USP15: variants seen among roughly 807,000 people sequenced by gnomAD.
The protein encoded by USP15 is ubiquitin specific peptidase 15.
In USP15, 18 loss-of-function variants were observed where a neutral mutation model predicts 127.1. The ratio of observed to expected loss-of-function variants is 0.14; its 90% CI spans 0.10 to 0.21. USP15 has a LOEUF of 0.21. Ranked by LOEUF, USP15 falls within the 10% of genes least tolerant of loss-of-function variation. The pLI, the probability that USP15 is intolerant of heterozygous loss-of-function variation, is 1.00. For missense variants in USP15, 805 were observed against 1,159.9 expected (o/e 0.69, Z 4.44); for synonymous variants, 364 against 393.7 (o/e 0.92, Z 0.89).
intron 8 of USP15, among the ~76,000 whole-genome samples, chr12:62,368,605 G>A (rs1272174599): frequency 6.6e-6 from 1 of 152,112 alleles, no homozygotes; most frequent in Non-Finnish European, 1.5e-5. Flanking sequence ...TTTAAAGTAT[G>A]TTTTATCAAA....
chr12:62,272,978 G>A (rs1435200312), intron 1 of USP15, among the ~76,000 whole-genome samples: 1 of 151,970 alleles, frequency 6.6e-6, no homozygotes, highest in Admixed American at 6.6e-5. Flanking sequence ...ATCTTTCAGT[G>A]GTTTTCAGAT....
chr12:62,271,474 A>T (rs1200934691), intron 1 of USP15, among the ~76,000 whole-genome samples: 3 of 152,018 alleles, frequency 2.0e-5, no homozygotes, highest in Non-Finnish European at 4.4e-5. Flanking sequence ...GTATGCCTTT[A>T]TATGATACAA....
At chr12:62,385,203 A>C (rs957358308) in intron 11 of USP15, among the ~76,000 whole-genome samples, 1 of 151,914 alleles carries the variant, frequency 6.6e-6, no homozygotes, top group Admixed American at 6.6e-5. Context: ...TTTATTCATC[A>C]AGATACTTAA....
In USP15 at chr12:62,384,004, T is replaced by C. The variant is rs1565903421; in HGVS notation, c.1248+6T>C. ...CAGATGGAAGGCCAGATAAGGTAAA[T>C]TTCATGATCCTATTGTCACCATTGT... On this transcript the variant is annotated splice_donor_region_variant and intron_variant, in intron 10 of 21. Transcript: ENST00000280377. 1.2e-6 allele frequency: 2 copies of C among 1,611,808 alleles called. No individual in the cohort carries two copies. Among genetic ancestry groups the C allele is most frequent in the Non-Finnish European group, 8.5e-7 (1 of 1,178,858 alleles).
chr12:62,272,965 A>C (rs1268303733), intron 1 of USP15, among the ~76,000 whole-genome samples: 2 of 152,072 alleles, frequency 1.3e-5, no homozygotes, highest in Non-Finnish European at 2.9e-5. Context: ...TTTACAGTTA[A>C]AAATCTTTCA....
chr12:62,318,070 C>G (rs1014666267), intron 4 of USP15, among the ~76,000 whole-genome samples: 1 of 152,156 alleles, frequency 6.6e-6, no homozygotes, highest in Non-Finnish European at 1.5e-5. Context: ...CTGGCTAGTA[C>G]AGTTGAATTA....
At chr12:62,268,656 A>C (rs1176992514) in intron 1 of USP15, among the ~76,000 whole-genome samples, 2 of 152,140 alleles carry the variant, frequency 1.3e-5, no homozygotes, top group Non-Finnish European at 2.9e-5. Flanking sequence ...AACCTAGTTC[A>C]AAGTCAGTCT....
intron 1 of USP15, among the ~76,000 whole-genome samples, chr12:62,270,620 A>G (rs894412647): frequency 6.6e-6 from 1 of 152,090 alleles, no homozygotes; most frequent in Non-Finnish European, 1.5e-5. Flanking sequence ...CAAAAAGATC[A>G]TTCTTTTCCC....
intron 8 of USP15, among the ~76,000 whole-genome samples, chr12:62,359,653 A>G (rs2066251957): frequency 6.6e-6 from 1 of 152,166 alleles, no homozygotes; most frequent in South Asian, 2.1e-4. Context: ...CTAAGAAGAA[A>G]TAATTGAGTG....
intron 11 of USP15, among the ~76,000 whole-genome samples, chr12:62,387,526 A>G (rs1209509127): frequency 1.3e-5 from 2 of 152,194 alleles, no homozygotes; most frequent in East Asian, 3.9e-4. Context: ...TAGTCGTGTT[A>G]TAAGGAAAGG....
At chr12:62,287,691 A>G (rs2063824784) in intron 1 of USP15, among the ~76,000 whole-genome samples, 1 of 152,064 alleles carries the variant, frequency 6.6e-6, no homozygotes, top group Non-Finnish European at 1.5e-5. Flanking sequence ...GGACTTTTAT[A>G]AAAGTTTCAA....
At chr12:62,271,821 G>C (rs549361039) in intron 1 of USP15, among the ~76,000 whole-genome samples, 1 of 151,890 alleles carries the variant, frequency 6.6e-6, no homozygotes, top group South Asian at 2.1e-4. Flanking sequence ...GCCTCCTTGA[G>C]TTTCTTATTT....
At chr12:62,379,178 G>A (rs2066915093) in intron 8 of USP15, among the ~76,000 whole-genome samples, 1 of 147,188 alleles carries the variant, frequency 6.8e-6, no homozygotes, top group African/African-American at 2.5e-5. Context: ...GAATCTTGAT[G>A]GATTTATAGA....
intron 19 of USP15, 85 bp downstream of exon 19, chr12:62,393,287 C>T (rs1056349773): frequency 2.0e-6 from 3 of 1,471,950 alleles, no homozygotes; most frequent in East Asian, 2.4e-5. Flanking sequence ...CTTTAGTAAA[C>T]ATCAGGTGCC....
chr12:62,336,640 C>A, intron 6 of USP15: 1 of 354,550 alleles, frequency 2.8e-6, no homozygotes, highest in Non-Finnish European at 3.9e-6. Context: ...ACATGAATAA[C>A]ACTTTTATGA....
intron 6 of USP15, chr12:62,336,343 A>C: frequency 1.0e-6 from 1 of 985,120 alleles, no homozygotes. Context: ...CATCCCCTCA[A>C]CCTAAACTGT....
intron 6 of USP15, chr12:62,335,126 T>C: frequency 6.5e-7 from 1 of 1,528,804 alleles, no homozygotes; most frequent in Non-Finnish European, 8.8e-7. Flanking sequence ...GTCTAGTTAA[T>C]GTATGATATT....
In USP15 at chr12:62,410,715, C is replaced by T. The variant is rs2068018255; in HGVS notation, c.*6340C>T. Reference sequence around the variant, plus strand: ...CACAACCATAAAATTATGCTGGTCTCTTGAAAGTATTAGTTTATGGGTGTG... The same window carrying T: ...CACAACCATAAAATTATGCTGGTCTTTTGAAAGTATTAGTTTATGGGTGTG... On this transcript the variant is annotated 3_prime_UTR_variant, in exon 22 of 22. Coordinates refer to ENST00000280377, the MANE Select transcript of USP15 (RefSeq NM_001252078.2). The T allele has an allele frequency of 6.6e-6, 1 of 152,082 alleles. No homozygotes were observed. Among genetic ancestry groups the T allele is most frequent in the Non-Finnish European group, 1.5e-5 (1 of 67,998 alleles). The allele number at this position is 152,082 out of a possible 1,614,324, so 9.4% of individuals were successfully genotyped here.
chr12:62,392,518 A>G lies in USP15; in HGVS notation c.2420+131A>G, dbSNP rs372500087. 1.1e-4 allele frequency: 70 copies of G among 651,924 alleles called. 1 individual carries two copies. The South Asian group carries it at 1.5e-3, about 14-fold the overall frequency. 40.4% of individuals were successfully genotyped at this position (651,924 alleles called of 1,614,324 possible). A position where few individuals can be genotyped will look rare whatever the true frequency, so the allele number is the denominator to read the frequency against. ...TTAAATAGTAAAGGATTCTTTATAT[A>G]AGTTGTAGCCTATTAAGAGGGATGG... On this transcript the variant is annotated intron_variant, in intron 18 of 21. Transcript: ENST00000280377.
Sources: allele counts gnomAD v4.1 joint callset (sites outside exome capture counted in the v4.1 genomes callset), GRCh38; gene constraint gnomAD v4.1.1; transcripts MANE v1.5; gene names NCBI Gene and HGNC (gene_info 2026-07-23, HGNC 2026-07-21).